TJP1: variants seen among roughly 807,000 people sequenced by gnomAD.
The protein encoded by TJP1 is tight junction protein ZO-1.
In TJP1, 43 loss-of-function variants were observed where a neutral mutation model predicts 194.2. The observed-to-expected ratio is 0.22, with a 90% CI of 0.17 to 0.29. The LOEUF is 0.29. TJP1 is among the 10% of genes least tolerant of loss of function. The pLI is 1.00. For synonymous variants in TJP1, 801 were observed against 779.0 expected, an observed-to-expected ratio of 1.03 and a Z score of -0.47; for missense variants, 1,971 against 2,185.7, an observed-to-expected ratio of 0.90 and a Z score of 1.96.
At chr15:29,769,905 A>AT (rs760268932) in intron 4 of TJP1, among the ~76,000 whole-genome samples, 3 of 151,342 alleles carry the variant, frequency 2.0e-5, no homozygotes, top group East Asian at 1.9e-4. Context: ...CCCTCTACTT[A>AT]TTTTTTTTTC....
In TJP1 at chr15:29,912,695, C is replaced by CAA. The variant is rs71103416; in HGVS notation, c.306+43535_306+43536dup. Among the ~76,000 whole-genome samples the CAA allele has an allele frequency of 3.0e-3, 194 of 64,958 alleles. 16 individuals are homozygous for CAA. The highest frequency in any genetic ancestry group is 0.014 in the African/African-American group (156 of 11,454). 42.6% of individuals were successfully genotyped at this position (64,958 alleles called of 152,430 possible). A position where few individuals can be genotyped will look rare whatever the true frequency, so the allele number is the denominator to read the frequency against. On this transcript the variant is annotated intron_variant, in intron 2 of 28. Transcript: ENST00000356107. ...TGGGAGACAGAGCAAGACTCTGTCTCAAAAAAAAAAAAAAAAAAAAAAAAA... is the reference window on the plus strand; with the variant it reads ...TGGGAGACAGAGCAAGACTCTGTCTCAAAAAAAAAAAAAAAAAAAAAAAAAAA...
chr15:29,941,636 C>A (rs934176235), intron 2 of TJP1, among the ~76,000 whole-genome samples: 1 of 152,160 alleles, frequency 6.6e-6, no homozygotes, highest in Non-Finnish European at 1.5e-5. Context: ...CCTTCCAGAT[C>A]CAGTTTCCCA....
At chr15:29,762,583 A>T in intron 5 of TJP1, 145 bp from the exon 6 acceptor site, 1 of 595,386 alleles carries the variant, frequency 1.7e-6, no homozygotes, top group Non-Finnish European at 2.9e-6. Flanking sequence ...CCATCCTGCA[A>T]ATAAGACATT....
At chr15:29,782,182 C>T (rs2047407128) in intron 2 of TJP1, among the ~76,000 whole-genome samples, 1 of 151,946 alleles carries the variant, frequency 6.6e-6, no homozygotes, top group Non-Finnish European at 1.5e-5. Context: ...CAACAACAGC[C>T]AAGAGCCAAA....
chr15:29,727,034 A>T, intron 16 of TJP1, 43 bp from the exon 17 acceptor site: 1 of 1,566,282 alleles, frequency 6.4e-7, no homozygotes, highest in Non-Finnish European at 8.8e-7. Context: ...ACAAGACATC[A>T]TTAATTAAGA....
At chr15:29,958,084 T>TTTTTA (rs2056013736) in intron 1 of TJP1, among the ~76,000 whole-genome samples, 1 of 152,180 alleles carries the variant, frequency 6.6e-6, no homozygotes, top group African/African-American at 2.4e-5. Context: ...TTTCAATTGT[T>TTTTTA]TTTTATTAGA....
Position 29,700,384 on chromosome 15 carries a change from G to A in TJP1, c.*1211C>T. The A allele has an allele frequency of 2.5e-6, 1 of 398,798 alleles. No homozygotes were observed. The highest frequency in any genetic ancestry group is 4.4e-6 in the Non-Finnish European group (1 of 226,020). 24.7% of individuals were successfully genotyped at this position (398,798 alleles called of 1,614,324 possible). On this transcript the variant is annotated 3_prime_UTR_variant, in exon 28 of 28. Transcript: ENST00000614355. ...TTTGCAAGAATTTAATCAAACTAGA[G>A]AATTCTGAGTAACTGTATCTTTTAA... is the stretch of plus-strand genomic sequence containing the variant.
In TJP1 at chr15:29,718,027, A is replaced by G. The variant is rs1274851092; in HGVS notation, c.3968T>C (p.Leu1323Pro). ...GAGCACAAAGTGTACTCACCTGTACAGAGTTTTGTCATGTTCACTGAATTG... is the reference window on the plus strand; with the variant it reads ...GAGCACAAAGTGTACTCACCTGTACGGAGTTTTGTCATGTTCACTGAATTG... ...QNQFSEHDKT[L>P]YRIPEPQKPQ... The change falls in exon 22 of 28, where the codon CTG becomes CCG. Residue 1323 changes from leucine to proline, a missense_variant. Transcript: ENST00000614355. The G allele has an allele frequency of 3.1e-6, 5 of 1,612,610 alleles. No individual in the cohort carries two copies. Among genetic ancestry groups the G allele is most frequent in the East Asian group, 2.2e-5 (1 of 44,838 alleles).
chr15:29,838,612 CTGTG>C lies in TJP1; in HGVS notation c.307-37914_307-37911del, dbSNP rs34137363. Among the ~76,000 whole-genome samples the C allele has an allele frequency of 9.3e-4, 138 of 148,840 alleles. 1 individual carries two copies. The highest frequency in any genetic ancestry group is 1.1e-3 in the Non-Finnish European group (73 of 66,882). ...CCTGTTATACATGTACTCTGTGTGT[CTGTG>C]TGTGTGTGTGTGTGTGTGTAGTGTG... On this transcript the variant is annotated intron_variant, in intron 2 of 28. Coordinates refer to the TJP1 transcript ENST00000356107.
chr15:29,928,682 G>A lies in TJP1; in HGVS notation c.306+27550C>T, dbSNP rs554737617. Among the ~76,000 whole-genome samples the A allele has an allele frequency of 3.9e-4, 59 of 152,250 alleles. 5 individuals are homozygous for A. Among genetic ancestry groups the A allele is most frequent in the African/African-American group, 1.3e-3 (56 of 41,562 alleles). On this transcript the variant is annotated intron_variant, in intron 2 of 28. Transcript: ENST00000356107. ...TTGTCGGCCGGGCACGGTGGCTCAC[G>A]CCTGTAATCCCAGCACTTTGGGAGG...
In TJP1 at chr15:29,883,598, A is replaced by G. The variant is rs537840767; in HGVS notation, c.306+72634T>C. The stretch of plus-strand genomic sequence containing the variant: ...ACGTGTCCTTTTTTTTTTCCTTTTA[A>G]TCTCAGGATGATTTAGTCTATTAAG... On this transcript the variant is annotated intron_variant, in intron 2 of 28. Transcript: ENST00000356107. Among the ~76,000 whole-genome samples, 32 of 151,730 alleles carry G rather than the reference A, an allele frequency of 2.1e-4. No homozygotes were observed. In the Middle Eastern group the frequency reaches 0.014, roughly 65 times the overall value.
chr15:29,738,631 G>A (rs1455988636), intron 10 of TJP1, among the ~76,000 whole-genome samples: 1 of 151,922 alleles, frequency 6.6e-6, no homozygotes, highest in South Asian at 2.1e-4. Flanking sequence ...CAAGCCCCTT[G>A]GTTGTAGTGG....
chr15:29,853,505 A>G (rs1044321738), intron 2 of TJP1, among the ~76,000 whole-genome samples: 1 of 152,230 alleles, frequency 6.6e-6, no homozygotes, highest in Non-Finnish European at 1.5e-5. Flanking sequence ...TGGACAAAGT[A>G]TACAAGGCAC....
At chr15:29,935,528 T>A (rs887162646) in intron 2 of TJP1, among the ~76,000 whole-genome samples, 1 of 151,970 alleles carries the variant, frequency 6.6e-6, no homozygotes, top group Non-Finnish European at 1.5e-5. Context: ...CCACCTATGG[T>A]CATTACAAAG....
At chr15:29,735,603 A>AG (rs1387946161) in intron 11 of TJP1, among the ~76,000 whole-genome samples, 3 of 151,718 alleles carry the variant, frequency 2.0e-5, no homozygotes, top group African/African-American at 7.3e-5. Context: ...AAAAAAAAAA[A>AG]AAAGAAAGAA....
At chr15:29,802,899 C>T (rs147814761) in intron 1 of TJP1, among the ~76,000 whole-genome samples, 8 of 152,250 alleles carry the variant, frequency 5.3e-5, no homozygotes, top group African/African-American at 1.9e-4. Context: ...TGATAACATA[C>T]TCTATGGTAT....
At chr15:29,726,298 A>AAGC in intron 18 of TJP1, 81 bp downstream of exon 18, 1 of 1,173,766 alleles carries the variant, frequency 8.5e-7, no homozygotes, top group South Asian at 1.3e-5. Context: ...TCTAATTAGA[A>AAGC]AGCACTGGTA....
chr15:29,704,428 C>T (rs1955859265), intron 26 of TJP1, 123 bp from the exon 27 acceptor site: 6 of 1,133,114 alleles, frequency 5.3e-6, no homozygotes, highest in Admixed American at 6.2e-5. Context: ...TCTCTACAGT[C>T]GCACTGACCA....
At chr15:29,968,850 T>G in exon 1 of TJP1, 1 of 689,280 alleles carries the variant, frequency 1.5e-6, no homozygotes, top group Non-Finnish European at 1.9e-6. Context: ...AGATCAGCTC[T>G]GGGCCATCCG....
Sources: allele counts gnomAD v4.1 joint callset (sites outside exome capture counted in the v4.1 genomes callset), GRCh38; gene constraint gnomAD v4.1.1; transcripts MANE v1.5; gene names NCBI Gene and HGNC (gene_info 2026-07-23, HGNC 2026-07-21).